Variants in EIF4E3 observed in about 807,000 individuals in gnomAD.
The protein encoded by EIF4E3 is eukaryotic translation initiation factor 4E family member 3, also known as eukaryotic translation initiation factor 4E type 3.
A neutral mutation model predicts 31.7 loss-of-function variants in EIF4E3; 26 were observed. The observed-to-expected ratio is 0.82, with a 90% CI of 0.60 to 1.14. The LOEUF (loss-of-function observed/expected upper bound fraction) is 1.14, where lower values mean the gene tolerates loss of function less well. Ranked by LOEUF, EIF4E3 falls within the 50% of genes most tolerant of loss-of-function variation. The probability of loss-of-function intolerance (pLI) is 0.00; values close to 1 mark genes in which losing one functional copy is unlikely to be tolerated. For synonymous variants in EIF4E3, 128 were observed against 107.7 expected (o/e 1.19, Z -1.17); for missense variants, 304 against 270.9 (o/e 1.12, Z -0.86).
At chr3:71,673,858 G>A (rs2048858368), downstream of EIF4E3, among the ~76,000 whole-genome samples, 1 of 148,942 alleles carries the variant, frequency 6.7e-6, no homozygotes, top group East Asian at 1.9e-4. Context: ...CAATACTAAG[G>A]CCTATTAACT....
intron 1 of EIF4E3, among the ~76,000 whole-genome samples, chr3:71,749,987 T>C (rs1227829683): frequency 6.6e-6 from 1 of 152,212 alleles, no homozygotes; most frequent in Non-Finnish European, 1.5e-5. Context: ...ATAAATGCTG[T>C]GAGAGAACCA....
Position 71,725,110 on chromosome 3 carries a change from C to T in EIF4E3, c.176+82G>A. The T allele has an allele frequency of 3.2e-6, 3 of 951,516 alleles. No homozygotes were observed. Among genetic ancestry groups the T allele is most frequent in the Non-Finnish European group, 3.8e-6 (3 of 794,210 alleles). 58.9% of individuals were successfully genotyped at this position (951,516 alleles called of 1,614,324 possible). ...GTGCCACAGCGGAGCGGGGCCGGGG[C>T]GAGGGGCCGCGCCGAGACAAAGCGG... On this transcript the variant is annotated intron_variant, in intron 1 of 6. Transcript: ENST00000425534. The surrounding 1 kb of genome is among the most constrained non-coding windows in gnomAD (Gnocchi z 6.1).
intron 2 of EIF4E3, among the ~76,000 whole-genome samples, chr3:71,702,798 A>C (rs2049236842): frequency 6.6e-6 from 1 of 152,044 alleles, no homozygotes; most frequent in African/African-American, 2.4e-5. Flanking sequence ...AATAGGTAGA[A>C]TATTTGTGAA....
chr3:71,671,273 G>A (rs1304020330), downstream of EIF4E3, among the ~76,000 whole-genome samples: 1 of 152,080 alleles, frequency 6.6e-6, no homozygotes, highest in East Asian at 1.9e-4. Context: ...GGAGGAGGGG[G>A]CCTTGGCTCA....
In EIF4E3 at chr3:71,677,551, A is replaced by G. The variant is rs1234163578; in HGVS notation, c.*7131T>C. 1.3e-5 allele frequency: 2 copies of G among 152,230 alleles called. No homozygotes were observed. Among genetic ancestry groups the G allele is most frequent in the African/African-American group, 4.8e-5 (2 of 41,460 alleles). The allele number at this position is 152,230 out of a possible 1,614,324, so 9.4% of individuals were successfully genotyped here. ...AGATGATAAAGTACACACAGAATGC[A>G]TGGTGGCAGTAATCAGATGCAAATA... On this transcript the variant is annotated 3_prime_UTR_variant, in exon 7 of 7. Transcript: ENST00000425534.
chr3:71,672,135 T>C (rs1353870086), downstream of EIF4E3, among the ~76,000 whole-genome samples: 2 of 152,114 alleles, frequency 1.3e-5, no homozygotes, highest in Non-Finnish European at 2.9e-5. Context: ...GTACATAAAT[T>C]CCCTGGACTT....
upstream of EIF4E3, among the ~76,000 whole-genome samples, chr3:71,730,334 G>C (rs1265614680): frequency 6.6e-6 from 1 of 152,178 alleles, no homozygotes; most frequent in African/African-American, 2.4e-5. Flanking sequence ...CCTCATCTAG[G>C]GTACAGATAA....
chr3:71,674,399 G>A (rs772471855), downstream of EIF4E3, among the ~76,000 whole-genome samples: 2 of 152,030 alleles, frequency 1.3e-5, no homozygotes, highest in South Asian at 2.1e-4. Context: ...GAGCCACTGC[G>A]CCCGACCCTG....
intron 1 of EIF4E3, among the ~76,000 whole-genome samples, chr3:71,749,303 G>A (rs1272294724): frequency 2.0e-5 from 3 of 152,296 alleles, no homozygotes; most frequent in Middle Eastern, 3.4e-3. Flanking sequence ...GGTGGAAACT[G>A]GACATGAACC....
downstream of EIF4E3, among the ~76,000 whole-genome samples, chr3:71,674,713 G>A (rs1400764708): frequency 1.3e-5 from 2 of 152,142 alleles, no homozygotes; most frequent in African/African-American, 2.4e-5. Flanking sequence ...CCTTGAAGCA[G>A]TTCATTCTCT....
downstream of EIF4E3, among the ~76,000 whole-genome samples, chr3:71,671,260 T>C (rs915861238): frequency 6.6e-6 from 1 of 151,828 alleles, no homozygotes; most frequent in South Asian, 2.1e-4. Context: ...GAACAGGCTT[T>C]GGGGAGGAGG....
upstream of EIF4E3, chr3:71,754,178 C>T (rs752417794): frequency 4.2e-6 from 6 of 1,442,848 alleles, no homozygotes; most frequent in South Asian, 4.9e-5. This position sits in a 1 kb window ranked among gnomAD's most constrained non-coding sequence, Gnocchi z 5.8. Flanking sequence ...CGCTGCTGAT[C>T]GTGCGGGAGC....
intron 4 of EIF4E3, among the ~76,000 whole-genome samples, chr3:71,694,912 A>C (rs957159386): frequency 6.6e-6 from 1 of 152,210 alleles, no homozygotes; most frequent in Non-Finnish European, 1.5e-5. Context: ...TCCATGCCAT[A>C]AACAGCTGTG....
intron 1 of EIF4E3, among the ~76,000 whole-genome samples, chr3:71,716,797 A>G (rs916169253): frequency 6.6e-6 from 1 of 152,142 alleles, no homozygotes; most frequent in African/African-American, 2.4e-5. Context: ...TCATTAGCCC[A>G]AACTAAACAG....
In EIF4E3 at chr3:71,725,319, G is replaced by A; in HGVS notation, c.49C>T (p.Pro17Ser). Residue 17 changes from proline (P) to serine (S), a missense_variant, in exon 1 of 7, where the codon CCG (proline) becomes TCG (serine). By Grantham distance (74) the Pro-to-Ser change is moderately conservative. Coordinates refer to ENST00000425534, the MANE Select transcript of EIF4E3 (RefSeq NM_001134651.2). This position sits in a 1 kb window ranked among gnomAD's most constrained non-coding sequence, Gnocchi z 6.1. ...AAPPAGAREP[P>S]GSRAAAAAAA... ...GCAGCGGCGGCGGCGCGGGACCCCGGCGGCTCCCGGGCCCCGGCGGGGGGC... is the reference window on the plus strand; with the variant it reads ...GCAGCGGCGGCGGCGCGGGACCCCGACGGCTCCCGGGCCCCGGCGGGGGGC... The A allele has an allele frequency of 3.1e-6, 3 of 970,860 alleles. No individual in the cohort carries two copies. Among genetic ancestry groups the A allele is most frequent in the Non-Finnish European group, 3.7e-6 (3 of 818,512 alleles). 60.1% of individuals were successfully genotyped at this position (970,860 alleles called of 1,614,324 possible). A position where few individuals can be genotyped will look rare whatever the true frequency, so the allele number is the denominator to read the frequency against.
upstream of EIF4E3, among the ~76,000 whole-genome samples, chr3:71,729,442 C>T (rs978604016): frequency 2.0e-5 from 3 of 152,100 alleles, no homozygotes; most frequent in Admixed American, 1.3e-4. Flanking sequence ...GCCAGTGGCT[C>T]CCTTGAAAGG....
At chr3:71,753,919 C>T, upstream of EIF4E3, 8 of 983,916 alleles carry the variant, frequency 8.1e-6, no homozygotes, top group Non-Finnish European at 9.7e-6. Context: ...CGGCCGGGAG[C>T]GGGCTGAGCC....
At chr3:71,712,852 C>A (rs1175614790) in intron 1 of EIF4E3, among the ~76,000 whole-genome samples, 206 of 121,104 alleles carry the variant, frequency 1.7e-3, no homozygotes, top group Middle Eastern at 4.6e-3. Context: ...TAACCTAGAC[C>A]AAAAAAAAAA....
At chr3:71,718,993 T>G (rs544769955) in intron 1 of EIF4E3, among the ~76,000 whole-genome samples, 1 of 152,190 alleles carries the variant, frequency 6.6e-6, no homozygotes, top group Admixed American at 6.5e-5. Flanking sequence ...CTAGTCCCAG[T>G]AGGCAACTCA....
Sources: gnomAD v4.1 joint callset for allele counts (sites outside exome capture counted in the v4.1 genomes callset) on GRCh38, gnomAD v4.1.1 for gene constraint, Gnocchi (gnomAD v3.1) non-coding constraint, MANE v1.5 for transcripts, NCBI Gene and HGNC (gene_info 2026-07-23, HGNC 2026-07-21) for gene names.